OCIAD1: variants seen among roughly 807,000 people sequenced by gnomAD.
The protein encoded by OCIAD1 is OCIA domain containing 1.
Under a neutral mutation model 38.9 loss-of-function variants are expected in OCIAD1, and 29 were observed. The ratio of observed to expected loss-of-function variants is 0.74; its 90% CI spans 0.55 to 1.02. The LOEUF is 1.02. OCIAD1 is among the 50% of genes least tolerant of loss of function. The pLI is 0.00. For missense variants in OCIAD1, 288 were observed against 289.6 expected (o/e 0.99, Z 0.04); for synonymous variants, 110 against 92.0 (o/e 1.20, Z -1.12).
chr4:48,842,725 G>A (rs759351004), intron 4 of OCIAD1, 36 bp downstream of exon 4: 3 of 1,137,196 alleles, frequency 2.6e-6, no homozygotes, highest in South Asian at 2.9e-5. Flanking sequence ...TTAGCATTTT[G>A]GATACCATGT....
chr4:48,824,528 G>A, intron 1 of OCIAD1, among the ~76,000 whole-genome samples: 1 of 151,746 alleles, frequency 6.6e-6, no homozygotes, highest in East Asian at 1.9e-4. Flanking sequence ...CTACAGGCAT[G>A]CACTAGCACA....
intron 1 of OCIAD1, among the ~76,000 whole-genome samples, chr4:48,820,410 A>G (rs1206369939): frequency 1.3e-5 from 2 of 152,244 alleles, no homozygotes; most frequent in African/African-American, 2.4e-5. Flanking sequence ...TGGTGTTAAG[A>G]GGAAAATTTA....
At chr4:48,838,844 T>C (rs1778257560) in intron 3 of OCIAD1, among the ~76,000 whole-genome samples, 2 of 152,322 alleles carry the variant, frequency 1.3e-5, no homozygotes, top group African/African-American at 4.8e-5. Flanking sequence ...ATAACTATGT[T>C]TCTATACTGA....
At chr4:48,808,592 G>C (rs1033981056) in intron 1 of OCIAD1, among the ~76,000 whole-genome samples, 1 of 152,112 alleles carries the variant, frequency 6.6e-6, no homozygotes, top group Non-Finnish European at 1.5e-5. Context: ...GCAGCATTTG[G>C]CTGGCTTGCC....
chr4:48,817,051 A>G (rs1244940774), intron 1 of OCIAD1, among the ~76,000 whole-genome samples: 1 of 152,196 alleles, frequency 6.6e-6, no homozygotes, highest in Non-Finnish European at 1.5e-5. Context: ...AGACCAACGC[A>G]GAAGGTGGTT....
intron 5 of OCIAD1, 52 bp from the exon 6 acceptor site, chr4:48,849,893 CTT>C: frequency 1.3e-6 from 2 of 1,502,990 alleles, no homozygotes; most frequent in South Asian, 2.5e-5. Context: ...TTAGAAAATA[CTT>C]TTGTCTGAAA....
At position 48,860,781 on chromosome 4, in the gene OCIAD1, A is replaced by T; in HGVS notation, c.*19A>T. 2 of 1,590,284 alleles carry T rather than the reference A, an allele frequency of 1.3e-6. No homozygotes were observed. Among genetic ancestry groups the T allele is most frequent in the Non-Finnish European group, 1.7e-6 (2 of 1,159,554 alleles). ...TGAGTGAAAAATTACATCATTGGAC[A>T]TGAAGGAGTTTCAACATCCAGCTTC... On this transcript the variant is annotated 3_prime_UTR_variant, in exon 9 of 9. Transcript: ENST00000264312.
intron 1 of OCIAD1, among the ~76,000 whole-genome samples, chr4:48,825,211 C>T (rs1323178955): frequency 2.0e-5 from 3 of 151,980 alleles, no homozygotes; most frequent in Non-Finnish European, 2.9e-5. Context: ...GGGGTTACTC[C>T]CTGGAGCTGC....
At chr4:48,850,212 G>A in intron 6 of OCIAD1, 130 bp downstream of exon 6, 1 of 912,414 alleles carries the variant, frequency 1.1e-6, no homozygotes, top group South Asian at 1.5e-5. Context: ...TAGGCTAAAA[G>A]TAATTTGCTT....
rs150790817 is a variant in OCIAD1, at chr4:48,809,998, T to C, written c.-103+4668T>C. 5.1e-4 allele frequency among the ~76,000 whole-genome samples: 77 copies of C among 152,330 alleles called. No homozygotes were observed. In the East Asian group the frequency reaches 0.013, roughly 25 times the overall value. On this transcript the variant is annotated intron_variant, in intron 1 of 6. Coordinates refer to the OCIAD1 transcript ENST00000504654. Reference sequence around the variant, plus strand: ...CATTGAGTGTGCTTCTTAATTTCAGTGCTTTGGTCCCCTTGTTTGTAAAAT... The same window carrying C: ...CATTGAGTGTGCTTCTTAATTTCAGCGCTTTGGTCCCCTTGTTTGTAAAAT...
At chr4:48,852,094 A>C in intron 7 of OCIAD1, 119 bp downstream of exon 7, 1 of 720,802 alleles carries the variant, frequency 1.4e-6, no homozygotes, top group African/African-American at 1.8e-5. Context: ...TCATCAACCT[A>C]AACTCAGCAT....
intron 1 of OCIAD1, among the ~76,000 whole-genome samples, chr4:48,810,665 C>T (rs1179689993): frequency 6.6e-6 from 1 of 151,752 alleles, no homozygotes; most frequent in Non-Finnish European, 1.5e-5. Flanking sequence ...CTGTTCTAGG[C>T]ACTAGGGATG....
Position 48,822,682 on chromosome 4 carries a change from T to A in OCIAD1, c.-102-7895T>A, listed in dbSNP as rs189719039. 2.4e-4 allele frequency among the ~76,000 whole-genome samples: 37 copies of A among 151,772 alleles called. No individual in the cohort carries two copies. The East Asian group carries it at 6.6e-3, about 27-fold the overall frequency. On this transcript the variant is annotated intron_variant, in intron 1 of 6. Coordinates refer to the OCIAD1 transcript ENST00000504654. Reference sequence around the variant, plus strand: ...CTAATACCCTGAATCTATAAGGAACTTAAATTTACAAGAAAAAACAATCAA... The same window carrying A: ...CTAATACCCTGAATCTATAAGGAACATAAATTTACAAGAAAAAACAATCAA...
intron 1 of OCIAD1, among the ~76,000 whole-genome samples, chr4:48,808,602 C>G (rs2109485171): frequency 6.6e-6 from 1 of 152,300 alleles, no homozygotes; most frequent in East Asian, 1.9e-4. Flanking sequence ...GCTGGCTTGC[C>G]CTAACCCATT....
intron 4 of OCIAD1, among the ~76,000 whole-genome samples, chr4:48,847,485 C>T (rs1315993107): frequency 6.6e-6 from 1 of 152,128 alleles, no homozygotes; most frequent in Non-Finnish European, 1.5e-5. Flanking sequence ...TCTTCGTCTA[C>T]TCTAAGGACA....
At chr4:48,844,619 A>T (rs187325931) in intron 4 of OCIAD1, among the ~76,000 whole-genome samples, 1 of 152,256 alleles carries the variant, frequency 6.6e-6, no homozygotes, top group African/African-American at 2.4e-5. Context: ...CTGTCTCAAA[A>T]AAAAGGTAAA....
At chr4:48,822,080 T>G (rs1777200170) in intron 1 of OCIAD1, among the ~76,000 whole-genome samples, 1 of 152,022 alleles carries the variant, frequency 6.6e-6, no homozygotes, top group South Asian at 2.1e-4. Context: ...AGAGCCCACA[T>G]AGCCAAGACA....
chr4:48,831,087 T>G (rs906570509), upstream of OCIAD1: 5 of 242,238 alleles, frequency 2.1e-5, no homozygotes, highest in Non-Finnish European at 3.4e-5. Flanking sequence ...GCGGTCATTT[T>G]GAGCCCCTGT....
intron 3 of OCIAD1, among the ~76,000 whole-genome samples, chr4:48,840,590 A>G (rs1312403961): frequency 1.3e-5 from 2 of 152,218 alleles, no homozygotes; most frequent in African/African-American, 4.8e-5. Flanking sequence ...AAATGTCTTA[A>G]TTACTTTGGT....
Sources: allele counts gnomAD v4.1 joint callset (sites outside exome capture counted in the v4.1 genomes callset), GRCh38; gene constraint gnomAD v4.1.1; transcripts MANE v1.5; gene names NCBI Gene and HGNC (gene_info 2026-07-23, HGNC 2026-07-21).